Variants in BRINP3 observed in about 807,000 individuals in gnomAD.
BRINP3 encodes the protein BMP/retinoic acid inducible neural specific 3.
In BRINP3, 19 loss-of-function variants were observed where a neutral mutation model predicts 71.0. The ratio of observed to expected loss-of-function variants is 0.27; its 90% confidence interval spans 0.19 to 0.39. BRINP3 has a LOEUF of 0.39. Among genes scored for constraint, BRINP3 ranks in the 10% least tolerant of loss-of-function variants. BRINP3 has a pLI of 1.00. For synonymous variants in BRINP3, 380 were observed against 337.7 expected (o/e 1.13, Z -1.37); for missense variants, 959 against 940.8 (o/e 1.02, Z -0.25).
intron 1 of BRINP3, among the ~76,000 whole-genome samples, chr1:190,472,989 T>C (rs1677242852): frequency 6.6e-6 from 1 of 151,880 alleles, no homozygotes; most frequent in Non-Finnish European, 1.5e-5. Flanking sequence ...AGATATCCTA[T>C]GAGAGGATGA....
At chr1:190,142,131 T>A (rs1247358577) in intron 7 of BRINP3, among the ~76,000 whole-genome samples, 5 of 152,110 alleles carry the variant, frequency 3.3e-5, no homozygotes, top group Non-Finnish European at 7.3e-5. Context: ...AAATAATTGA[T>A]GAATTAGACT....
At chr1:190,162,509 C>T (rs1651097506) in intron 6 of BRINP3, among the ~76,000 whole-genome samples, 1 of 152,040 alleles carries the variant, frequency 6.6e-6, no homozygotes, top group African/African-American at 2.4e-5. Context: ...GTTAAATTCC[C>T]TCTTTTGAAT....
intron 4 of BRINP3, among the ~76,000 whole-genome samples, chr1:190,236,080 G>A (rs1319971612): frequency 6.6e-6 from 1 of 151,912 alleles, no homozygotes; most frequent in Non-Finnish European, 1.5e-5. Context: ...AAGACATTAA[G>A]GCCATCATGG....
intron 7 of BRINP3, among the ~76,000 whole-genome samples, chr1:190,158,243 C>A (rs1479898080): frequency 6.6e-6 from 1 of 152,044 alleles, no homozygotes; most frequent in Non-Finnish European, 1.5e-5. Context: ...TCTCTCTTTG[C>A]CTGCTGCCAT....
chr1:190,410,153 A>G (rs534292015), intron 2 of BRINP3, among the ~76,000 whole-genome samples: 3 of 152,082 alleles, frequency 2.0e-5, no homozygotes, highest in Non-Finnish European at 4.4e-5. Flanking sequence ...AATGATATTG[A>G]CCAGGACTAG....
chr1:190,345,565 A>T (rs1667963149), intron 2 of BRINP3, among the ~76,000 whole-genome samples: 2 of 151,688 alleles, frequency 1.3e-5, no homozygotes. Flanking sequence ...TGTTAATATT[A>T]GAATTAGGAA....
Position 190,166,891 on chromosome 1 carries a change from T to A in BRINP3, c.962-6001A>T, listed in dbSNP as rs537034037. On this transcript the variant is annotated intron_variant, in intron 6 of 7. Transcript: ENST00000367462. ...GGCGCATACCACTACTTCCGGCTAG[T>A]TTTTTATATTTTTAGTAGAGACGGG... Among the ~76,000 whole-genome samples, 211 of 151,800 alleles carry A rather than the reference T, an allele frequency of 1.4e-3. 1 individual carries two copies. The highest frequency in any genetic ancestry group is 1.9e-3 in the Non-Finnish European group (132 of 67,990).
chr1:190,382,117 A>G (rs1404969481), intron 2 of BRINP3, among the ~76,000 whole-genome samples: 5 of 152,130 alleles, frequency 3.3e-5, no homozygotes, highest in African/African-American at 1.2e-4. Flanking sequence ...AAGTCTGAAA[A>G]TTTGTATCAC....
intron 4 of BRINP3, among the ~76,000 whole-genome samples, chr1:190,254,118 T>C (rs1374864310): frequency 6.6e-6 from 1 of 152,114 alleles, no homozygotes; most frequent in Non-Finnish European, 1.5e-5. Context: ...TCTGTTCCAT[T>C]GGTATATATA....
chr1:190,160,413 A>G (rs3860303), intron 7 of BRINP3, among the ~76,000 whole-genome samples: 2,164 of 152,154 alleles, frequency 0.014, 23 homozygotes, highest in Non-Finnish European at 0.022. Context: ...ACACATAATA[A>G]ATTAGAATGA....
chr1:190,410,992 C>CA (rs940288044), intron 2 of BRINP3, among the ~76,000 whole-genome samples: 3 of 151,082 alleles, frequency 2.0e-5, no homozygotes, highest in African/African-American at 4.9e-5. Context: ...GGCAAAGGGT[C>CA]AAAAAAAACC....
intron 7 of BRINP3, among the ~76,000 whole-genome samples, chr1:190,146,030 T>C (rs960371038): frequency 1.3e-5 from 2 of 152,084 alleles, no homozygotes. Flanking sequence ...AAAAATGATA[T>C]AATGGACTTT....
At chr1:190,417,947 C>G (rs1175184633) in intron 2 of BRINP3, among the ~76,000 whole-genome samples, 1 of 152,088 alleles carries the variant, frequency 6.6e-6, no homozygotes, top group Non-Finnish European at 1.5e-5. Context: ...AGCCAGATAA[C>G]ACATGATATA....
At chr1:190,182,675 G>C (rs1653134765) in intron 6 of BRINP3, among the ~76,000 whole-genome samples, 1 of 152,028 alleles carries the variant, frequency 6.6e-6, no homozygotes, top group Non-Finnish European at 1.5e-5. Flanking sequence ...TGGAAGATTT[G>C]AGTTATTCAA....
At chr1:190,336,437 A>G (rs145205548) in intron 2 of BRINP3, among the ~76,000 whole-genome samples, 1 of 152,056 alleles carries the variant, frequency 6.6e-6, no homozygotes, top group Admixed American at 6.6e-5. Context: ...ATCTATGTTA[A>G]CATCAAAAGA....
chr1:190,123,510 C>CTA (rs1295793658), intron 7 of BRINP3, among the ~76,000 whole-genome samples: 1 of 152,046 alleles, frequency 6.6e-6, no homozygotes, highest in African/African-American at 2.4e-5. Flanking sequence ...TTTATTGTCT[C>CTA]ATTATTTTCA....
At chr1:190,188,070 A>T (rs1054263661) in intron 6 of BRINP3, among the ~76,000 whole-genome samples, 9 of 151,946 alleles carry the variant, frequency 5.9e-5, no homozygotes, top group Non-Finnish European at 1.3e-4. Context: ...AGTGTTTTAT[A>T]GTTTCATTGT....
intron 2 of BRINP3, among the ~76,000 whole-genome samples, chr1:190,415,006 T>G (rs756719640): frequency 2.0e-5 from 3 of 152,218 alleles, no homozygotes; most frequent in Non-Finnish European, 4.4e-5. Flanking sequence ...AATTAACTAT[T>G]TTAAGTGCTT....
chr1:190,308,434 T>C (rs954154945), intron 2 of BRINP3, among the ~76,000 whole-genome samples: 2 of 151,614 alleles, frequency 1.3e-5, no homozygotes, highest in Non-Finnish European at 2.9e-5. Flanking sequence ...GAGGTGGGAA[T>C]TGAACAATGA....
Sources: allele counts gnomAD v4.1 joint callset (sites outside exome capture counted in the v4.1 genomes callset), GRCh38; gene constraint gnomAD v4.1.1; transcripts MANE v1.5; gene names NCBI Gene and HGNC (gene_info 2026-07-23, HGNC 2026-07-21).